Variants in THSD7A observed in about 807,000 individuals in gnomAD.
The protein encoded by THSD7A is thrombospondin type 1 domain containing 7A, also known as thrombospondin type-1 domain-containing protein 7A.
In THSD7A, 96 loss-of-function variants were observed where a neutral mutation model predicts 231.3. That is an observed-to-expected ratio of 0.41 (90% confidence interval 0.35 to 0.49). THSD7A has a LOEUF of 0.49. Among genes scored for constraint, THSD7A ranks in the 20% least tolerant of loss-of-function variants. The pLI is 0.05. For synonymous variants in THSD7A, 940 were observed against 743.3 expected (o/e 1.26, Z -4.30); for missense variants, 2,290 against 2,070.2 (o/e 1.11, Z -2.06).
chr7:11,446,146 T>C lies in THSD7A; in HGVS notation c.2979A>G (p.Glu993=), dbSNP rs146386659. The C allele has an allele frequency of 1.6e-5, 26 of 1,613,540 alleles. No homozygotes were observed. The East Asian group carries it at 2.9e-4, about 18-fold the overall frequency. The change falls in exon 13 of 28, where the codon GAA becomes GAG. Residue 993 remains glutamate (E), a synonymous_variant. Coordinates refer to ENST00000423059, the MANE Select transcript of THSD7A (RefSeq NM_015204.3). The surrounding 1 kb of genome is among the most constrained non-coding windows in gnomAD (Gnocchi z 4.0). ...LGMKVQGDIK[E]CGQGYRYQAM... is the part of the protein sequence containing the mutation. Reference sequence around the variant, plus strand: ...CTTGGTAACGATATCCTTGTCCGCATTCCTTGATGTCTCCTTGTACTTTCA... The same window carrying C: ...CTTGGTAACGATATCCTTGTCCGCACTCCTTGATGTCTCCTTGTACTTTCA...
intron 15 of THSD7A, among the ~76,000 whole-genome samples, chr7:11,425,104 A>C (rs1393456098): frequency 6.6e-6 from 1 of 152,118 alleles, no homozygotes; most frequent in Non-Finnish European, 1.5e-5. Flanking sequence ...TCCTATGCTG[A>C]CCCTTAACAC....
chr7:11,514,528 A>G (rs1226373049), intron 6 of THSD7A, among the ~76,000 whole-genome samples: 2 of 152,258 alleles, frequency 1.3e-5, no homozygotes, highest in East Asian at 1.9e-4. Flanking sequence ...GAGAAAAGAG[A>G]AGGAGGAGAT....
At chr7:11,436,374 T>C (rs1264197996) in intron 13 of THSD7A, among the ~76,000 whole-genome samples, 2 of 152,112 alleles carry the variant, frequency 1.3e-5, no homozygotes, top group Non-Finnish European at 2.9e-5. Context: ...TAAACACTAG[T>C]TTACTGGATT....
intron 6 of THSD7A, among the ~76,000 whole-genome samples, chr7:11,521,993 C>T (rs118049018): frequency 0.025 from 3,815 of 152,078 alleles, 66 homozygotes; most frequent in Non-Finnish European, 0.039. Context: ...TAGGATTGAG[C>T]TACATTTCTA....
chr7:11,522,220 A>G (rs1788295891), intron 6 of THSD7A, among the ~76,000 whole-genome samples: 1 of 152,180 alleles, frequency 6.6e-6, no homozygotes, highest in Non-Finnish European at 1.5e-5. Context: ...TTCCTTGGAC[A>G]GAATTCCTAC....
At chr7:11,723,071 C>G (rs1781414636) in intron 1 of THSD7A, among the ~76,000 whole-genome samples, 1 of 151,912 alleles carries the variant, frequency 6.6e-6, no homozygotes, top group African/African-American at 2.4e-5. Context: ...AGACATGGAA[C>G]CAATCCAAAT....
At chr7:11,561,834 G>C (rs1396816794) in intron 4 of THSD7A, among the ~76,000 whole-genome samples, 2 of 151,642 alleles carry the variant, frequency 1.3e-5, no homozygotes, top group African/African-American at 4.9e-5. Flanking sequence ...TTGGGCAACA[G>C]AGCAACTCTG....
At chr7:11,733,994 T>C (rs1781822443) in intron 1 of THSD7A, among the ~76,000 whole-genome samples, 1 of 151,842 alleles carries the variant, frequency 6.6e-6, no homozygotes, top group Non-Finnish European at 1.5e-5. Flanking sequence ...TAAAGGCATA[T>C]TTCTAGGGGC....
chr7:11,536,879 C>T (rs1788936656), intron 6 of THSD7A, among the ~76,000 whole-genome samples: 1 of 152,142 alleles, frequency 6.6e-6, no homozygotes, highest in Non-Finnish European at 1.5e-5. Context: ...GATTGTCCCA[C>T]TTACCTCTGT....
intron 1 of THSD7A, among the ~76,000 whole-genome samples, chr7:11,800,169 T>G (rs940495342): frequency 6.6e-6 from 1 of 152,170 alleles, no homozygotes; most frequent in African/African-American, 2.4e-5. Flanking sequence ...AGAAGCCCCT[T>G]GTCCTACAAC....
intron 6 of THSD7A, among the ~76,000 whole-genome samples, chr7:11,524,215 A>T (rs1788382393): frequency 6.6e-6 from 1 of 152,212 alleles, no homozygotes; most frequent in African/African-American, 2.4e-5. Flanking sequence ...GCCCTAAATG[A>T]AGGCTTGAAT....
intron 23 of THSD7A, among the ~76,000 whole-genome samples, chr7:11,394,130 A>G (rs1175043156): frequency 1.3e-5 from 2 of 152,060 alleles, no homozygotes; most frequent in Non-Finnish European, 2.9e-5. Flanking sequence ...AGGTCAGGTT[A>G]CCCACAAAGG....
intron 1 of THSD7A, among the ~76,000 whole-genome samples, chr7:11,782,439 A>T (rs1246411450): frequency 6.6e-6 from 1 of 152,146 alleles, no homozygotes; most frequent in African/African-American, 2.4e-5. Context: ...CACACAGAAA[A>T]AGCAGCCATT....
intron 4 of THSD7A, among the ~76,000 whole-genome samples, chr7:11,546,195 G>GGCGTGTGTGTGTGCGTGCGC (rs752700561): frequency 1.3e-5 from 1 of 78,698 alleles, no homozygotes; most frequent in African/African-American, 5.0e-5. Context: ...TGCTGGTGTG[G>GGCGTGTGTGTGTGCGTGCGC]GCGCGCGCTC....
chr7:11,718,133 C>T (rs2128151746), intron 1 of THSD7A, among the ~76,000 whole-genome samples: 1 of 151,702 alleles, frequency 6.6e-6, no homozygotes, highest in South Asian at 2.1e-4. Flanking sequence ...CATGCTGCAT[C>T]CTCTCTTGAG....
chr7:11,665,931 G>A (rs1367458407), intron 1 of THSD7A, among the ~76,000 whole-genome samples: 2 of 152,096 alleles, frequency 1.3e-5, no homozygotes, highest in Admixed American at 6.6e-5. Flanking sequence ...CCCCTGCTCA[G>A]GGCTTTAGAA....
chr7:11,760,542 G>T (rs543459622), intron 1 of THSD7A, among the ~76,000 whole-genome samples: 1 of 152,034 alleles, frequency 6.6e-6, no homozygotes, highest in Non-Finnish European at 1.5e-5. Flanking sequence ...CAATCTTCTT[G>T]TTCGCTGAGC....
At chr7:11,487,679 G>A (rs1786715258) in intron 6 of THSD7A, among the ~76,000 whole-genome samples, 1 of 152,074 alleles carries the variant, frequency 6.6e-6, no homozygotes, top group Non-Finnish European at 1.5e-5. Flanking sequence ...GGAAAGGCAT[G>A]CCTTACATGG....
chr7:11,441,134 C>T (rs903907269), intron 13 of THSD7A, among the ~76,000 whole-genome samples: 2 of 151,978 alleles, frequency 1.3e-5, no homozygotes, highest in African/African-American at 4.8e-5. Flanking sequence ...TTGTGGAACA[C>T]CTACTACTGT....
Sources: allele counts gnomAD v4.1 joint callset (sites outside exome capture counted in the v4.1 genomes callset), GRCh38; gene constraint gnomAD v4.1.1; non-coding constraint Gnocchi (gnomAD v3.1); transcripts MANE v1.5; gene names NCBI Gene and HGNC (gene_info 2026-07-23, HGNC 2026-07-21).